The following CCDC144A variants were observed in gnomAD, a reference collection of about 807,000 sequenced individuals.
CCDC144A encodes the protein coiled-coil domain containing 144A, also known as coiled-coil domain-containing protein 144A.
A neutral mutation model predicts 143.8 loss-of-function variants in CCDC144A; 41 were observed. That is an observed-to-expected ratio of 0.29 (90% CI 0.22 to 0.37). CCDC144A has a LOEUF of 0.37. Ranked by LOEUF, CCDC144A falls within the 10% of genes least tolerant of loss-of-function variation. The probability of loss-of-function intolerance (pLI) is 1.00; values close to 1 mark genes in which losing one functional copy is unlikely to be tolerated. For missense variants in CCDC144A, 637 were observed against 1,488.8 expected (o/e 0.43, Z 9.41); for synonymous variants, 242 against 517.9 (o/e 0.47, Z 7.23).
chr17:16,740,631 G>A (rs1260799356), intron 12 of CCDC144A, among the ~76,000 whole-genome samples: 4 of 151,998 alleles, frequency 2.6e-5, no homozygotes, highest in Admixed American at 1.3e-4. Flanking sequence ...GCATTTAATA[G>A]CTTAACACTC....
At chr17:16,703,589 G>A (rs1911856574) in intron 2 of CCDC144A, among the ~76,000 whole-genome samples, 1 of 152,290 alleles carries the variant, frequency 6.6e-6, no homozygotes, top group South Asian at 2.1e-4. Context: ...CGGATTACGA[G>A]GTCAGGAGAT....
chr17:16,742,376 G>A (rs909646739), intron 12 of CCDC144A, among the ~76,000 whole-genome samples: 1 of 152,150 alleles, frequency 6.6e-6, no homozygotes, highest in Non-Finnish European at 1.5e-5. Flanking sequence ...TGCTGTAAAT[G>A]ACATGATTTT....
intron 2 of CCDC144A, among the ~76,000 whole-genome samples, chr17:16,697,617 A>T (rs1272279832): frequency 6.6e-6 from 1 of 152,298 alleles, no homozygotes; most frequent in East Asian, 1.9e-4. Flanking sequence ...TTATTCATTT[A>T]AAAATGTCGG....
chr17:16,673,045 C>G, the CCDC144A span, among the ~76,000 whole-genome samples: 2 of 151,974 alleles, frequency 1.3e-5, 1 homozygote, highest in Admixed American at 1.3e-4. Context: ...AATGATAAAC[C>G]TTATAGAATG....
In CCDC144A at chr17:16,700,301, C is replaced by A. The variant is rs149113366; in HGVS notation, c.416-4850C>A. On this transcript the variant is annotated intron_variant, in intron 2 of 16. Coordinates refer to ENST00000399273, the MANE Select transcript of CCDC144A (RefSeq NM_001382000.1). The stretch of plus-strand genomic sequence containing the variant: ...GATGACACATGTGCAATGTTGTCTA[C>A]CTTACCAGAGTTTCATTAGAGGCTC... Among the ~76,000 whole-genome samples the A allele has an allele frequency of 2.6e-3, 397 of 152,274 alleles. 15 individuals carry two copies. The East Asian group carries it at 0.068, about 26-fold the overall frequency.
the CCDC144A span, among the ~76,000 whole-genome samples, chr17:16,677,933 G>T: frequency 1.3e-5 from 2 of 151,978 alleles, no homozygotes; most frequent in Non-Finnish European, 2.9e-5. Context: ...GGGCCACAGA[G>T]TCATTGGATA....
the CCDC144A span, among the ~76,000 whole-genome samples, chr17:16,667,551 A>C: frequency 6.0e-3 from 910 of 152,178 alleles, 10 homozygotes; most frequent in Non-Finnish European, 7.5e-3. Context: ...GTCACGTGGC[A>C]GAATCCCGGG....
chr17:16,757,407 C>T (rs778676), intron 12 of CCDC144A, among the ~76,000 whole-genome samples: 12,703 of 151,098 alleles, frequency 0.084, 276 homozygotes, highest in Non-Finnish European at 0.12. Context: ...TCTTTATGCT[C>T]CTGGATGCCA....
At chr17:16,700,163 C>T (rs2621627) in intron 2 of CCDC144A, among the ~76,000 whole-genome samples, 24 of 152,180 alleles carry the variant, frequency 1.6e-4, no homozygotes, top group East Asian at 3.9e-4. Flanking sequence ...AAGCAACATT[C>T]GAGAAAGGAA....
chr17:16,695,224 A>C (rs1911329648), intron 2 of CCDC144A: 1 of 152,212 alleles, frequency 6.6e-6, no homozygotes, highest in Admixed American at 6.5e-5. Flanking sequence ...TTGTCCACTT[A>C]ACAAATAATT....
intron 3 of CCDC144A, 130 bp downstream of exon 3, chr17:16,705,529 G>A: frequency 3.5e-6 from 3 of 850,884 alleles, no homozygotes; most frequent in Non-Finnish European, 5.6e-6. Flanking sequence ...GCACTGAACA[G>A]AATACTTTTT....
At chr17:16,722,964 C>T (rs1377985576) in intron 8 of CCDC144A, among the ~76,000 whole-genome samples, 2 of 152,048 alleles carry the variant, frequency 1.3e-5, no homozygotes, top group Non-Finnish European at 2.9e-5. Flanking sequence ...AGGGAGTTTT[C>T]TCTTTTTGTA....
At chr17:16,707,233 A>C in intron 3 of CCDC144A, 1 of 436,210 alleles carries the variant, frequency 2.3e-6, no homozygotes, top group Non-Finnish European at 4.1e-6. Context: ...AATCTTCAAC[A>C]TGATTGTATT....
the CCDC144A span, among the ~76,000 whole-genome samples, chr17:16,682,263 G>A: frequency 3.3e-5 from 5 of 151,566 alleles, no homozygotes; most frequent in Admixed American, 3.3e-4. Context: ...GAGAGAGAGA[G>A]AATGAGAACC....
At chr17:16,670,172 T>G in the CCDC144A span, among the ~76,000 whole-genome samples, 2 of 152,066 alleles carry the variant, frequency 1.3e-5, no homozygotes, top group Admixed American at 6.5e-5. Flanking sequence ...CAGAGTGAGA[T>G]TCTGTCTCAA....
chr17:16,667,327 G>C, the CCDC144A span, among the ~76,000 whole-genome samples: 1 of 145,706 alleles, frequency 6.9e-6, no homozygotes, highest in Middle Eastern at 3.3e-3. Context: ...AGGAGGCTGA[G>C]GAGGCTGAGG....
intron 15 of CCDC144A, among the ~76,000 whole-genome samples, chr17:16,770,948 A>G (rs1415315618): frequency 7.2e-5 from 11 of 152,174 alleles, no homozygotes. Context: ...TGTCACAGAA[A>G]TGTTATGGAA....
chr17:16,717,095 T>C (rs4792768), intron 6 of CCDC144A, among the ~76,000 whole-genome samples: 2,000 of 127,750 alleles, frequency 0.016, 55 homozygotes, highest in African/African-American at 0.056. Flanking sequence ...GCCACCGCGC[T>C]CGGCCAGCTT....
At position 16,775,678 on chromosome 17, in the gene CCDC144A, C is replaced by A; in HGVS notation, c.*2045C>A. ...TGTCGGTTTACTCTGTTGATAGGTT[C>A]TTAATGCTGTGCAGAAGCTCTTTAG... On this transcript the variant is annotated 3_prime_UTR_variant, in exon 17 of 17. Transcript: ENST00000399273. 1 of 152,110 alleles carries A rather than the reference C, an allele frequency of 6.6e-6. No homozygotes were observed. Among genetic ancestry groups the A allele is most frequent in the Non-Finnish European group, 1.5e-5 (1 of 68,018 alleles). The allele number at this position is 152,110 out of a possible 1,614,324, so 9.4% of individuals were successfully genotyped here.
Sources: gnomAD v4.1 joint callset for allele counts (sites outside exome capture counted in the v4.1 genomes callset) on GRCh38, gnomAD v4.1.1 for gene constraint, MANE v1.5 for transcripts, NCBI Gene and HGNC (gene_info 2026-07-23, HGNC 2026-07-21) for gene names.